DOCK1: variants seen among roughly 807,000 people sequenced by gnomAD.
DOCK1 encodes dedicator of cytokinesis 1.
DOCK1 carries 138 observed loss-of-function variants against 262.7 expected under a neutral mutation model. That is an observed-to-expected ratio of 0.53 (90% confidence interval 0.46 to 0.61). DOCK1 has a LOEUF of 0.61. DOCK1 is among the 20% of genes least tolerant of loss of function. The probability of loss-of-function intolerance (pLI) is 0.00; values close to 1 mark genes in which losing one functional copy is unlikely to be tolerated. For synonymous variants in DOCK1, 866 were observed against 867.4 expected (o/e 1.00, Z 0.03); for missense variants, 1,908 against 2,370.7 (o/e 0.80, Z 4.05).
intron 27 of DOCK1, among the ~76,000 whole-genome samples, chr10:127,189,487 C>T (rs914439271): frequency 6.6e-6 from 1 of 152,060 alleles, no homozygotes; most frequent in African/African-American, 2.4e-5. Flanking sequence ...ATGTGATAGA[C>T]ACAATAAATA....
chr10:127,089,067 G>A (rs1317584454), intron 23 of DOCK1, among the ~76,000 whole-genome samples: 1 of 152,188 alleles, frequency 6.6e-6, no homozygotes, highest in East Asian at 1.9e-4. Context: ...CTAACCTCCA[G>A]ACTCCTGAGG....
intron 27 of DOCK1, 43 bp from the exon 28 acceptor site, chr10:127,247,965 G>T: frequency 1.3e-6 from 2 of 1,590,518 alleles, no homozygotes; most frequent in South Asian, 2.2e-5. Flanking sequence ...TCCCATGAGT[G>T]TTGCTCTGTC....
At chr10:127,438,785 C>T (rs963537133) in intron 48 of DOCK1, among the ~76,000 whole-genome samples, 3 of 152,200 alleles carry the variant, frequency 2.0e-5, no homozygotes, top group Admixed American at 1.3e-4. Flanking sequence ...ATCAAATATC[C>T]GGTCAGACTT....
At chr10:127,308,330 C>G (rs1385627836) in intron 29 of DOCK1, among the ~76,000 whole-genome samples, 1 of 152,144 alleles carries the variant, frequency 6.6e-6, no homozygotes, top group African/African-American at 2.4e-5. Flanking sequence ...GATGCTGGAC[C>G]CACTCTTGTT....
At chr10:127,249,500 C>T (rs534033931) in intron 28 of DOCK1, among the ~76,000 whole-genome samples, 14 of 151,944 alleles carry the variant, frequency 9.2e-5, no homozygotes, top group African/African-American at 3.4e-4. Flanking sequence ...CCAAATGCAT[C>T]GTTAGGCAAT....
At chr10:127,395,976 G>A (rs1264302957) in intron 38 of DOCK1, among the ~76,000 whole-genome samples, 1 of 152,212 alleles carries the variant, frequency 6.6e-6, no homozygotes, top group African/African-American at 2.4e-5. Context: ...CAGCGAGGGT[G>A]CACACTGAGC....
rs528964808 is a variant in DOCK1, at chr10:127,275,437, A to G, written c.3044+18008A>G. Among the ~76,000 whole-genome samples, 48 of 152,282 alleles carry G rather than the reference A, an allele frequency of 3.2e-4. 1 individual carries two copies. The highest frequency in any genetic ancestry group is 2.9e-3 in the East Asian group (15 of 5,168). On this transcript the variant is annotated intron_variant, in intron 29 of 51. Transcript: ENST00000623213. ...CCTGCTGTGCGGCATGGAGGAAGGC[A>G]TGGAAGGAGGTAGGCACCCTGGCTG... is the stretch of plus-strand genomic sequence containing the variant.
At chr10:126,921,478 C>A (rs1197138940) in intron 1 of DOCK1, among the ~76,000 whole-genome samples, 1 of 152,106 alleles carries the variant, frequency 6.6e-6, no homozygotes, top group African/African-American at 2.4e-5. Flanking sequence ...AAATGTGATT[C>A]TGTTTATATG....
At chr10:126,956,489 G>T (rs1480960414) in intron 1 of DOCK1, among the ~76,000 whole-genome samples, 2 of 152,156 alleles carry the variant, frequency 1.3e-5, no homozygotes, top group Non-Finnish European at 2.9e-5. Flanking sequence ...CAGGAGCTGG[G>T]CCCGGCTGAG....
chr10:127,339,963 C>T (rs908229882), intron 30 of DOCK1, among the ~76,000 whole-genome samples: 6 of 152,236 alleles, frequency 3.9e-5, no homozygotes, highest in Non-Finnish European at 5.9e-5. Context: ...AAAAGGAACC[C>T]GAAGGATTTT....
intron 46 of DOCK1, among the ~76,000 whole-genome samples, chr10:127,420,090 G>A (rs981074337): frequency 1.6e-4 from 24 of 152,346 alleles, no homozygotes; most frequent in African/African-American, 5.8e-4. Flanking sequence ...GCTCTAGCCT[G>A]TGCCAGGAAA....
chr10:127,328,058 G>A (rs1337643817), intron 29 of DOCK1, among the ~76,000 whole-genome samples: 1 of 149,670 alleles, frequency 6.7e-6, no homozygotes, highest in East Asian at 2.0e-4. Flanking sequence ...AGTGAGAATG[G>A]GAAAATGTGG....
At chr10:126,970,004 A>T (rs1040101639) in intron 1 of DOCK1, among the ~76,000 whole-genome samples, 5 of 152,094 alleles carry the variant, frequency 3.3e-5, no homozygotes, top group African/African-American at 1.2e-4. Flanking sequence ...ATATTTTTTT[A>T]AATTGAGAGT....
chr10:127,004,050 C>T (rs530360109), intron 10 of DOCK1, among the ~76,000 whole-genome samples: 9 of 151,918 alleles, frequency 5.9e-5, no homozygotes, highest in South Asian at 4.2e-4. Context: ...GTCAGGAGTT[C>T]GAGACCAGCG....
chr10:127,411,704 G>A (rs890440412), intron 43 of DOCK1, among the ~76,000 whole-genome samples: 2 of 152,014 alleles, frequency 1.3e-5, no homozygotes, highest in Non-Finnish European at 2.9e-5. Context: ...GCCGGGCGTG[G>A]TGGTGCACGC....
chr10:127,438,547 C>G (rs866364367), intron 48 of DOCK1, among the ~76,000 whole-genome samples: 1 of 152,208 alleles, frequency 6.6e-6, no homozygotes, highest in Admixed American at 6.5e-5. Flanking sequence ...TTGCTTCTGA[C>G]TGAGCCATGC....
At chr10:127,031,776 T>C in intron 17 of DOCK1, 23 bp downstream of exon 17, 1 of 1,593,846 alleles carries the variant, frequency 6.3e-7, no homozygotes. Context: ...ATTGGTGCAA[T>C]ATTGCTGCTA....
Position 127,437,599 on chromosome 10 carries a change from C to T in DOCK1, c.5061-1428C>T, listed in dbSNP as rs556480635. ...GCTCAAGCCATCCTGCCACCTCAGC[C>T]TCCTGAGTAGCTGGGACTATAGGTG... On this transcript the variant is annotated intron_variant, in intron 48 of 51. Transcript: ENST00000623213. This position sits in a 1 kb window ranked among gnomAD's most constrained non-coding sequence, Gnocchi z 4.4. 3.2e-3 allele frequency among the ~76,000 whole-genome samples: 490 copies of T among 152,240 alleles called. No individual in the cohort carries two copies. Among genetic ancestry groups the T allele is most frequent in the African/African-American group, 0.01 (435 of 41,542 alleles).
intron 29 of DOCK1, among the ~76,000 whole-genome samples, chr10:127,286,328 G>C (rs1315078769): frequency 6.6e-6 from 1 of 152,162 alleles, no homozygotes; most frequent in Non-Finnish European, 1.5e-5. Context: ...ATTTCTTTCA[G>C]CACTTCAAAG....
Sources: gnomAD v4.1 joint callset for allele counts (sites outside exome capture counted in the v4.1 genomes callset) on GRCh38, gnomAD v4.1.1 for gene constraint, Gnocchi (gnomAD v3.1) non-coding constraint, MANE v1.5 for transcripts, NCBI Gene and HGNC (gene_info 2026-07-23, HGNC 2026-07-21) for gene names.